PARVA: variants seen among roughly 807,000 people sequenced by gnomAD.
PARVA encodes the protein parvin alpha.
In PARVA, 25 loss-of-function variants were observed where a neutral mutation model predicts 52.6. That is an observed-to-expected ratio of 0.48 (90% CI 0.35 to 0.66). The LOEUF (loss-of-function observed/expected upper bound fraction) is 0.66. Among genes scored for constraint, PARVA ranks in the 30% least tolerant of loss-of-function variants. The pLI, the probability that PARVA is intolerant of heterozygous loss-of-function variation, is 0.01. For missense variants in PARVA, 373 were observed against 450.9 expected, an observed-to-expected ratio of 0.83 and a Z score of 1.56; for synonymous variants, 185 against 179.1, an observed-to-expected ratio of 1.03 and a Z score of -0.26.
At position 12,531,244 on chromosome 11, in the gene PARVA, G is replaced by A. The variant is rs1365264092; in HGVS notation, c.*3319G>A. On this transcript the variant is annotated 3_prime_UTR_variant, in exon 13 of 13. Coordinates refer to ENST00000334956, the MANE Select transcript of PARVA (RefSeq NM_018222.5). ...GATCTGGGAGAAGGCTTCTTTATCAGCACATCATCAGTGTTGCCTCGAGTT... is the reference window on the plus strand; with the variant it reads ...GATCTGGGAGAAGGCTTCTTTATCAACACATCATCAGTGTTGCCTCGAGTT... 6.6e-6 allele frequency among the ~76,000 whole-genome samples: 1 copy of A among 152,202 alleles called. No individual in the cohort carries two copies. Among genetic ancestry groups the A allele is most frequent in the South Asian group, 2.1e-4 (1 of 4,826 alleles).
At chr11:12,381,259 G>T (rs1046219854) in intron 1 of PARVA, among the ~76,000 whole-genome samples, 1 of 152,198 alleles carries the variant, frequency 6.6e-6, no homozygotes, top group Non-Finnish European at 1.5e-5. Flanking sequence ...AATAAGGCCG[G>T]ATCTTGCTCT....
intron 1 of PARVA, among the ~76,000 whole-genome samples, chr11:12,407,007 C>T (rs547017906): frequency 6.6e-6 from 1 of 152,172 alleles, no homozygotes; most frequent in African/African-American, 2.4e-5. Context: ...TTATTGACAT[C>T]TTTTTGTGCA....
intron 1 of PARVA, among the ~76,000 whole-genome samples, chr11:12,420,316 A>G (rs1940130031): frequency 6.6e-6 from 1 of 152,232 alleles, no homozygotes; most frequent in South Asian, 2.1e-4. Context: ...AGATCAAATT[A>G]TTGTGTGTTT....
At chr11:12,491,903 A>G (rs1941238812) in intron 4 of PARVA, among the ~76,000 whole-genome samples, 1 of 152,230 alleles carries the variant, frequency 6.6e-6, no homozygotes, top group Non-Finnish European at 1.5e-5. Context: ...CTCATGGAAC[A>G]CTTAACGAAA....
intron 1 of PARVA, among the ~76,000 whole-genome samples, chr11:12,462,654 C>G (rs1334890009): frequency 6.6e-6 from 1 of 152,154 alleles, no homozygotes; most frequent in Non-Finnish European, 1.5e-5. Context: ...AGAACTAATA[C>G]AAAAGCCCAT....
intron 12 of PARVA, among the ~76,000 whole-genome samples, chr11:12,521,808 C>T (rs1941639995): frequency 6.6e-6 from 1 of 152,062 alleles, no homozygotes. Context: ...GGTCTATGAG[C>T]CAGAGAATGC....
intron 1 of PARVA, among the ~76,000 whole-genome samples, chr11:12,455,550 C>T (rs1263411248): frequency 6.6e-6 from 1 of 152,034 alleles, no homozygotes; most frequent in African/African-American, 2.4e-5. Context: ...CCATTGGAAG[C>T]CTCTTTGATA....
intron 1 of PARVA, among the ~76,000 whole-genome samples, chr11:12,432,058 C>G (rs1940323421): frequency 6.6e-6 from 1 of 152,156 alleles, no homozygotes; most frequent in Non-Finnish European, 1.5e-5. Context: ...CTATAATATG[C>G]CCAATATCTG....
At chr11:12,395,285 G>A (rs1343145775) in intron 1 of PARVA, among the ~76,000 whole-genome samples, 2 of 152,172 alleles carry the variant, frequency 1.3e-5, no homozygotes, top group Non-Finnish European at 2.9e-5. Flanking sequence ...AATCATGAGT[G>A]TAGACTTTCT....
At position 12,490,528 on chromosome 11, in the gene PARVA, AAGAG is replaced by A. The variant is rs1554900463; in HGVS notation, c.401-5920_401-5917del. Among the ~76,000 whole-genome samples, 314 of 149,462 alleles carry A rather than the reference AAGAG, an allele frequency of 2.1e-3. 1 individual carries two copies. Among genetic ancestry groups the A allele is most frequent in the African/African-American group, 7.2e-3 (297 of 41,064 alleles). ...TAAGACTATGTCTCAAAAAAAAAAA[AAGAG>A]AGAGAGAGAAAATAAAGGCATTTTC... On this transcript the variant is annotated intron_variant, in intron 4 of 12. Coordinates refer to ENST00000334956, the MANE Select transcript of PARVA (RefSeq NM_018222.5).
At chr11:12,397,335 C>T (rs916450878) in intron 1 of PARVA, among the ~76,000 whole-genome samples, 20 of 152,208 alleles carry the variant, frequency 1.3e-4, no homozygotes, top group Non-Finnish European at 2.9e-4. Context: ...GTAGCTGGGG[C>T]TACAGGCATG....
intron 1 of PARVA, among the ~76,000 whole-genome samples, chr11:12,443,620 T>C (rs1185495375): frequency 1.3e-5 from 2 of 152,336 alleles, no homozygotes; most frequent in African/African-American, 4.8e-5. Context: ...TTTAAGTATA[T>C]TCATTCATGC....
At chr11:12,448,398 C>T (rs1009022130) in intron 1 of PARVA, among the ~76,000 whole-genome samples, 11 of 152,144 alleles carry the variant, frequency 7.2e-5, no homozygotes, top group Admixed American at 5.2e-4. Context: ...CAGATGAGTG[C>T]GGCAGCAGTT....
chr11:12,403,806 G>T (rs1416799146), intron 1 of PARVA, among the ~76,000 whole-genome samples: 2 of 152,184 alleles, frequency 1.3e-5, no homozygotes, highest in Non-Finnish European at 2.9e-5. Context: ...TCAGCCAGCT[G>T]GTTTTGGGGT....
chr11:12,459,015 C>T (rs574628521), intron 1 of PARVA, among the ~76,000 whole-genome samples: 161 of 152,300 alleles, frequency 1.1e-3, no homozygotes, highest in Non-Finnish European at 4.1e-4. Flanking sequence ...CAACTCCAAA[C>T]TAAGACATTG....
chr11:12,492,925 CAT>C (rs1410448447), intron 4 of PARVA, among the ~76,000 whole-genome samples: 2 of 151,814 alleles, frequency 1.3e-5, no homozygotes, highest in African/African-American at 4.8e-5. Context: ...AGTTATAAGT[CAT>C]ATAATGCAAT....
chr11:12,422,011 A>T (rs1293946041), intron 1 of PARVA, among the ~76,000 whole-genome samples: 1 of 152,178 alleles, frequency 6.6e-6, no homozygotes, highest in East Asian at 1.9e-4. Context: ...CATTTGGAGG[A>T]TATTCCAGCC....
At position 12,528,126 on chromosome 11, in the gene PARVA, G is replaced by A. The variant is rs927649835; in HGVS notation, c.*201G>A. On this transcript the variant is annotated 3_prime_UTR_variant, in exon 13 of 13. Transcript: ENST00000334956. Reference sequence around the variant, plus strand: ...GTGGGCTGACCCATCCCTCCCAGGCGCTGGGGACCAACCTAGCAATGAAGG... The same window carrying A: ...GTGGGCTGACCCATCCCTCCCAGGCACTGGGGACCAACCTAGCAATGAAGG... 2.3e-5 allele frequency: 13 copies of A among 566,400 alleles called. No individual in the cohort carries two copies. The highest frequency in any genetic ancestry group is 4.6e-4 in the Middle Eastern group (1 of 2,168). 35.1% of individuals were successfully genotyped at this position (566,400 alleles called of 1,614,324 possible). A position where few individuals can be genotyped will look rare whatever the true frequency, so the allele number is the denominator to read the frequency against.
At chr11:12,512,242 C>A (rs1031644327) in intron 8 of PARVA, among the ~76,000 whole-genome samples, 1 of 152,218 alleles carries the variant, frequency 6.6e-6, no homozygotes, top group Non-Finnish European at 1.5e-5. Context: ...CATGCATGAA[C>A]ACAAGGACTG....
Sources: allele counts gnomAD v4.1 joint callset (sites outside exome capture counted in the v4.1 genomes callset), GRCh38; gene constraint gnomAD v4.1.1; transcripts MANE v1.5; gene names NCBI Gene and HGNC (gene_info 2026-07-23, HGNC 2026-07-21).